Variants in P4HA1 observed in about 807,000 individuals in gnomAD.
The protein encoded by P4HA1 is prolyl 4-hydroxylase subunit alpha 1.
Under a neutral mutation model 72.8 loss-of-function variants are expected in P4HA1, and 24 were observed. That is an observed-to-expected ratio of 0.33 (90% CI 0.24 to 0.46). P4HA1 has a LOEUF of 0.46. Among genes scored for constraint, P4HA1 ranks in the 20% least tolerant of loss-of-function variants. The pLI is 1.00. For missense variants in P4HA1, 446 were observed against 640.6 expected (o/e 0.70, Z 3.28); for synonymous variants, 201 against 218.8 (o/e 0.92, Z 0.72).
intron 5 of P4HA1, among the ~76,000 whole-genome samples, chr10:73,066,840 T>C (rs1841435333): frequency 6.6e-6 from 1 of 152,158 alleles, no homozygotes; most frequent in South Asian, 2.1e-4. Flanking sequence ...CCTGCCACCC[T>C]GTGAAGAAGT....
At chr10:73,051,027 A>G in intron 7 of P4HA1, 26 bp downstream of exon 7, 1 of 1,545,836 alleles carries the variant, frequency 6.5e-7, no homozygotes, top group Non-Finnish European at 8.9e-7. Context: ...ACATTCACAT[A>G]CACACAATTG....
chr10:73,093,945 AT>A (rs1268285193), intron 1 of P4HA1, among the ~76,000 whole-genome samples: 1 of 114,004 alleles, frequency 8.8e-6, no homozygotes, highest in African/African-American at 3.1e-5. Context: ...TTTTATTTGG[AT>A]TTTTTATATA....
chr10:73,016,489 T>C (rs1840009696), intron 11 of P4HA1, among the ~76,000 whole-genome samples: 1 of 152,140 alleles, frequency 6.6e-6, no homozygotes, highest in Non-Finnish European at 1.5e-5. Flanking sequence ...TTTAACAATG[T>C]AATGCGGCCG....
intron 1 of P4HA1, among the ~76,000 whole-genome samples, chr10:73,075,884 T>C (rs1283010821): frequency 6.6e-6 from 1 of 152,060 alleles, no homozygotes; most frequent in Admixed American, 6.6e-5. Flanking sequence ...CTTTTTCCTA[T>C]ATAGCTTAAC....
At chr10:73,094,432 T>C (rs753803203) in intron 1 of P4HA1, among the ~76,000 whole-genome samples, 4 of 152,162 alleles carry the variant, frequency 2.6e-5, no homozygotes, top group Non-Finnish European at 5.9e-5. Context: ...AAATTCCATG[T>C]AGGGTGTATT....
chr10:73,047,374 A>G (rs1324233300), intron 7 of P4HA1, among the ~76,000 whole-genome samples: 1 of 152,082 alleles, frequency 6.6e-6, no homozygotes, highest in Non-Finnish European at 1.5e-5. Context: ...ACTCATCAAA[A>G]TAAAGTTCAA....
At position 73,067,318 on chromosome 10, in the gene P4HA1, G is replaced by A. The variant is rs138593385; in HGVS notation, c.463+1528C>T. The stretch of plus-strand genomic sequence containing the variant: ...AATATTTGCAACAGCCTCCTCCCTG[G>A]TTCTTCGTCCCTTGGCCCCAACCCA... On this transcript the variant is annotated intron_variant, in intron 5 of 14. Transcript: ENST00000394890. Among the ~76,000 whole-genome samples the A allele has an allele frequency of 5.1e-3, 771 of 152,206 alleles. 31 individuals are homozygous for A. Among genetic ancestry groups the A allele is most frequent in the Admixed American group, 0.046 (704 of 15,282 alleles).
intron 5 of P4HA1, 61 bp from the exon 6 acceptor site, chr10:73,053,651 A>T: frequency 2.8e-6 from 4 of 1,432,230 alleles, no homozygotes; most frequent in Non-Finnish European, 3.8e-6. Context: ...TTTATTTAGG[A>T]CTACACAGCT....
At chr10:73,079,726 G>C (rs981834889) in intron 1 of P4HA1, among the ~76,000 whole-genome samples, 1 of 152,056 alleles carries the variant, frequency 6.6e-6, no homozygotes, top group African/African-American at 2.4e-5. Flanking sequence ...TGGGAGACAA[G>C]AGTGAGACTT....
intron 5 of P4HA1, among the ~76,000 whole-genome samples, chr10:73,063,937 C>T (rs544812386): frequency 6.6e-6 from 1 of 151,728 alleles, no homozygotes; most frequent in South Asian, 2.1e-4. Flanking sequence ...AAAAAGTAGG[C>T]AAGAAAACAA....
At chr10:73,074,556 T>C (rs1415315664) in intron 2 of P4HA1, among the ~76,000 whole-genome samples, 2 of 152,146 alleles carry the variant, frequency 1.3e-5, no homozygotes, top group Non-Finnish European at 2.9e-5. Context: ...ATATATGCAG[T>C]ATATTACTTG....
intron 9 of P4HA1, among the ~76,000 whole-genome samples, chr10:73,032,914 T>C (rs924614517): frequency 7.2e-6 from 1 of 139,584 alleles, no homozygotes; most frequent in Non-Finnish European, 1.5e-5. Flanking sequence ...ATTTATCCTA[T>C]ATTACTAAAA....
At chr10:73,017,327 A>G (rs910055075) in intron 10 of P4HA1, among the ~76,000 whole-genome samples, 2 of 151,850 alleles carry the variant, frequency 1.3e-5, no homozygotes, top group Non-Finnish European at 2.9e-5. Context: ...CTATATCTAC[A>G]TATGTACCCC....
chr10:73,044,867 G>A, intron 9 of P4HA1, 114 bp downstream of exon 9: 1 of 726,492 alleles, frequency 1.4e-6, no homozygotes. Context: ...TATATACAGG[G>A]TGGTGACTTG....
chr10:73,026,480 T>C (rs1251110775), intron 10 of P4HA1, among the ~76,000 whole-genome samples: 1 of 152,218 alleles, frequency 6.6e-6, no homozygotes, highest in African/African-American at 2.4e-5. Context: ...GACTTAAATG[T>C]TAGACCTAAA....
intron 1 of P4HA1, among the ~76,000 whole-genome samples, chr10:73,075,151 A>G (rs1223684724): frequency 6.6e-6 from 1 of 152,160 alleles, no homozygotes; most frequent in Non-Finnish European, 1.5e-5. Context: ...TCTGTCGCCC[A>G]GGCTGGAGTG....
chr10:73,078,924 TTA>T (rs1193301401), intron 1 of P4HA1, among the ~76,000 whole-genome samples: 2 of 152,118 alleles, frequency 1.3e-5, no homozygotes, highest in Non-Finnish European at 2.9e-5. Flanking sequence ...TAATTTTCTT[TTA>T]TATCTCTGTA....
chr10:73,028,126 C>T (rs1272355321), intron 10 of P4HA1, among the ~76,000 whole-genome samples: 1 of 151,968 alleles, frequency 6.6e-6, no homozygotes, highest in Non-Finnish European at 1.5e-5. Context: ...GTTTTTCATG[C>T]CAAGTCATGA....
intron 1 of P4HA1, among the ~76,000 whole-genome samples, chr10:73,075,992 G>C (rs892536983): frequency 6.6e-6 from 1 of 152,074 alleles, no homozygotes; most frequent in African/African-American, 2.4e-5. Context: ...TGGAGTCCCA[G>C]CTACTTGGGA....
Sources: gnomAD v4.1 joint callset for allele counts (sites outside exome capture counted in the v4.1 genomes callset) on GRCh38, gnomAD v4.1.1 for gene constraint, MANE v1.5 for transcripts, NCBI Gene and HGNC (gene_info 2026-07-23, HGNC 2026-07-21) for gene names.